Variants in CHD1L observed in about 807,000 individuals in gnomAD.
The protein encoded by CHD1L is ATP-dependent chromatin remodeler CHD1L.
In CHD1L, 118 loss-of-function variants were observed where a neutral mutation model predicts 115.9. That is an observed-to-expected ratio of 1.02 (90% CI 0.88 to 1.19). CHD1L has a LOEUF of 1.19. CHD1L is among the 50% of genes most tolerant of loss of function. The pLI is 0.00. For synonymous variants in CHD1L, 411 were observed against 387.1 expected (o/e 1.06, Z -0.72); for missense variants, 1,179 against 1,065.3 (o/e 1.11, Z -1.49).
chr1:147,268,659 C>G (rs1674913307), intron 9 of CHD1L, 123 bp from the exon 10 acceptor site: 1 of 679,140 alleles, frequency 1.5e-6, no homozygotes, highest in African/African-American at 1.8e-5. Context: ...TTAAGCAGGA[C>G]TGAGATCATC....
chr1:147,293,941 G>T (rs1021421513), intron 21 of CHD1L, among the ~76,000 whole-genome samples: 2 of 151,876 alleles, frequency 1.3e-5, no homozygotes, highest in African/African-American at 4.8e-5. Context: ...TCCATCCCCC[G>T]GGTATTTTTA....
the CHD1L span, among the ~76,000 whole-genome samples, chr1:147,218,424 A>C: frequency 2.2e-5 from 2 of 92,280 alleles, no homozygotes; most frequent in African/African-American, 7.4e-5. Flanking sequence ...TTTTTAGTAG[A>C]GACGGGTTTC....
At chr1:147,179,951 TAAA>T in the CHD1L span, among the ~76,000 whole-genome samples, 21 of 143,604 alleles carry the variant, frequency 1.5e-4, no homozygotes, top group East Asian at 1.8e-3. Context: ...CTTTAAACTG[TAAA>T]AAAAAAAAAA....
the CHD1L span, among the ~76,000 whole-genome samples, chr1:147,216,563 C>T: frequency 1.3e-5 from 2 of 152,120 alleles, no homozygotes; most frequent in East Asian, 1.9e-4. Flanking sequence ...TTGCAATTTA[C>T]CTAGCCTTTT....
the CHD1L span, among the ~76,000 whole-genome samples, chr1:147,205,855 G>T: frequency 6.6e-6 from 1 of 152,106 alleles, no homozygotes; most frequent in South Asian, 2.1e-4. Context: ...CATAGGCATG[G>T]GCAAGGACTT....
intron 12 of CHD1L, chr1:147,272,577 A>G (rs1676663602): frequency 9.3e-6 from 2 of 214,920 alleles, no homozygotes; most frequent in South Asian, 2.9e-4. Flanking sequence ...GGAATGTTTC[A>G]TTTACATTCA....
the CHD1L span, chr1:147,210,718 A>G: frequency 6.6e-6 from 1 of 152,196 alleles, no homozygotes; most frequent in African/African-American, 2.4e-5. Flanking sequence ...GTGATAATTA[A>G]GCAGTGTTTT....
At chr1:147,283,975 G>A (rs587709252) in intron 15 of CHD1L, among the ~76,000 whole-genome samples, 2 of 152,332 alleles carry the variant, frequency 1.3e-5, no homozygotes, top group Admixed American at 6.5e-5. Flanking sequence ...AATATTAAAA[G>A]TGTGTTTGGA....
chr1:147,177,705 A>G, the CHD1L span, among the ~76,000 whole-genome samples: 2 of 152,148 alleles, frequency 1.3e-5, no homozygotes, highest in Non-Finnish European at 2.9e-5. Context: ...ATTAAGTACA[A>G]AATAACCAGT....
rs782568263 is a variant in CHD1L, at chr1:147,252,630, C to T, written c.135C>T (p.His45=). Residue 45 remains histidine (H), a synonymous_variant, in exon 2 of 23, where the codon CAC becomes CAT. Coordinates refer to ENST00000369258, the MANE Select transcript of CHD1L (RefSeq NM_004284.6). The stretch of plus-strand genomic sequence containing the variant: ...TGTATTTTTTGTTTCTAGGGATTCA[C>T]CTACGCTCTTACCAGCTGGAGGGAG... ...DLRQWGLTGI[H]LRSYQLEGVN... The T allele has an allele frequency of 3.1e-6, 5 of 1,613,716 alleles. No individual in the cohort carries two copies. In the East Asian group the frequency reaches 8.9e-5, roughly 29 times the overall value.
At chr1:147,231,774 T>C in the CHD1L span, among the ~76,000 whole-genome samples, 4 of 152,212 alleles carry the variant, frequency 2.6e-5, no homozygotes, top group East Asian at 1.9e-4. Flanking sequence ...GCTAAGACCA[T>C]TGGAAAAGCG....
At chr1:147,260,013 A>G (rs894854304) in intron 6 of CHD1L, 95 bp downstream of exon 6, 8 of 922,914 alleles carry the variant, frequency 8.7e-6, no homozygotes, top group South Asian at 4.8e-5. Flanking sequence ...ACAAAATTGA[A>G]CAGAAACTAC....
the CHD1L span, among the ~76,000 whole-genome samples, chr1:147,222,230 C>T: frequency 1.3e-5 from 2 of 152,174 alleles, no homozygotes; most frequent in East Asian, 1.9e-4. Flanking sequence ...ATTAGCAAGG[C>T]GTAGTAGTGC....
At chr1:147,204,923 G>C in the CHD1L span, 2 of 1,563,896 alleles carry the variant, frequency 1.3e-6, no homozygotes, top group Non-Finnish European at 8.8e-7. Flanking sequence ...TTGGGAACTT[G>C]AAGCGCCATG....
intron 12 of CHD1L, among the ~76,000 whole-genome samples, chr1:147,272,856 A>G (rs1310769501): frequency 6.6e-6 from 1 of 151,348 alleles, no homozygotes; most frequent in African/African-American, 2.4e-5. Flanking sequence ...ATAATTTGAA[A>G]TCAGCTCTTG....
At chr1:147,229,647 A>C in the CHD1L span, among the ~76,000 whole-genome samples, 1 of 152,068 alleles carries the variant, frequency 6.6e-6, no homozygotes, top group Admixed American at 6.6e-5. Flanking sequence ...ATGAGCATGG[A>C]ATGTTCTTCC....
At chr1:147,240,481 G>T (rs1553930498), upstream of CHD1L, among the ~76,000 whole-genome samples, 3 of 152,208 alleles carry the variant, frequency 2.0e-5, no homozygotes, top group Non-Finnish European at 4.4e-5. Context: ...TGTGGGAAGG[G>T]AAAGACCTGA....
intron 2 of CHD1L, among the ~76,000 whole-genome samples, chr1:147,253,705 C>A (rs193187398): frequency 6.6e-6 from 1 of 152,264 alleles, no homozygotes; most frequent in East Asian, 1.9e-4. Context: ...ACTATGTTGC[C>A]CAGGCTGGCC....
Position 147,267,485 on chromosome 1 carries a change from C to G in CHD1L, c.955C>G (p.Arg319Gly). ...VKLQNILSQL[R>G]KCVDHPYLFD... ...ACTACAGAACATTTTGTCCCAGCTT[C>G]GAAAGTGTGTGGATCACCCATATTT... The change falls in exon 9 of 23, where the codon CGA becomes GGA. Residue 319 changes from arginine to glycine, a missense_variant. Coordinates refer to ENST00000369258, the MANE Select transcript of CHD1L (RefSeq NM_004284.6). The G allele has an allele frequency of 6.2e-7, 1 of 1,612,302 alleles. No individual in the cohort carries two copies.
Sources: allele counts gnomAD v4.1 joint callset (sites outside exome capture counted in the v4.1 genomes callset), GRCh38; gene constraint gnomAD v4.1.1; transcripts MANE v1.5; gene names NCBI Gene and HGNC (gene_info 2026-07-23, HGNC 2026-07-21).